SEMA3E: variants seen among roughly 807,000 people sequenced by gnomAD.
SEMA3E encodes semaphorin-3E.
In SEMA3E, 49 loss-of-function variants were observed where a neutral mutation model predicts 93.6. The observed-to-expected ratio is 0.52, with a 90% CI of 0.42 to 0.66. The LOEUF is 0.66. SEMA3E is among the 30% of genes least tolerant of loss of function. The probability of loss-of-function intolerance (pLI) is 0.00; values close to 1 mark genes in which losing one functional copy is unlikely to be tolerated. For synonymous variants in SEMA3E, 363 were observed against 330.7 expected, an observed-to-expected ratio of 1.10 and a Z score of -1.06; for missense variants, 906 against 964.8, an observed-to-expected ratio of 0.94 and a Z score of 0.81.
chr7:83,449,744 TA>T (rs1789315596), intron 4 of SEMA3E, among the ~76,000 whole-genome samples: 1 of 152,178 alleles, frequency 6.6e-6, no homozygotes, highest in Non-Finnish European at 1.5e-5. Flanking sequence ...TCTCACCCCC[TA>T]ATTACATACA....
intron 16 of SEMA3E, among the ~76,000 whole-genome samples, chr7:83,381,491 AT>A (rs1274728335): frequency 1.3e-5 from 2 of 151,804 alleles, no homozygotes; most frequent in African/African-American, 4.8e-5. Context: ...GAGGCCTTCT[AT>A]GGCCACCCTT....
intron 11 of SEMA3E, among the ~76,000 whole-genome samples, chr7:83,398,665 T>C (rs1788174074): frequency 1.3e-5 from 2 of 152,198 alleles, no homozygotes; most frequent in African/African-American, 4.8e-5. Flanking sequence ...AAAGGATGGC[T>C]GGGCATGGTG....
intron 4 of SEMA3E, among the ~76,000 whole-genome samples, chr7:83,459,927 T>C (rs912921082): frequency 2.6e-5 from 4 of 152,176 alleles, no homozygotes; most frequent in African/African-American, 9.7e-5. Flanking sequence ...CCCCCACTCC[T>C]GCCCGCCAGA....
chr7:83,434,500 G>C (rs916944944), intron 4 of SEMA3E, among the ~76,000 whole-genome samples: 1 of 152,076 alleles, frequency 6.6e-6, no homozygotes. Flanking sequence ...CAGCAAAACT[G>C]ACTAGCGTCT....
intron 1 of SEMA3E, among the ~76,000 whole-genome samples, chr7:83,628,484 T>G (rs1793720771): frequency 6.6e-6 from 1 of 151,920 alleles, no homozygotes; most frequent in Non-Finnish European, 1.5e-5. Flanking sequence ...CTTTTTTCAT[T>G]CTTTTCTTTC....
At chr7:83,511,865 C>T (rs1790829936) in intron 1 of SEMA3E, among the ~76,000 whole-genome samples, 1 of 152,090 alleles carries the variant, frequency 6.6e-6, no homozygotes. Flanking sequence ...CATTACACTC[C>T]AGCCTGGCAA....
chr7:83,528,972 ATC>A, intron 1 of SEMA3E, among the ~76,000 whole-genome samples: 1 of 152,258 alleles, frequency 6.6e-6, no homozygotes, highest in Non-Finnish European at 1.5e-5. Context: ...AAAGTGTCAT[ATC>A]TCTACAAAAA....
chr7:83,420,429 T>A (rs950303740), intron 4 of SEMA3E, among the ~76,000 whole-genome samples: 5 of 152,098 alleles, frequency 3.3e-5, no homozygotes, highest in African/African-American at 1.2e-4. Context: ...ATCAACATCA[T>A]TTTTCACAGA....
At chr7:83,468,205 C>T (rs1260864867) in intron 3 of SEMA3E, among the ~76,000 whole-genome samples, 1 of 152,202 alleles carries the variant, frequency 6.6e-6, no homozygotes, top group Non-Finnish European at 1.5e-5. Flanking sequence ...CCAGAGCACA[C>T]AGGTACACTT....
intron 16 of SEMA3E, chr7:83,372,762 T>C (rs1156960416): frequency 6.6e-6 from 1 of 152,308 alleles, no homozygotes; most frequent in Non-Finnish European, 1.5e-5. Flanking sequence ...GAATATAAGC[T>C]GTTTTCATGC....
At chr7:83,372,140 C>A in intron 16 of SEMA3E, 1 of 395,396 alleles carries the variant, frequency 2.5e-6, no homozygotes. Context: ...TGGGGTATAT[C>A]CATACAGACA....
intron 1 of SEMA3E, among the ~76,000 whole-genome samples, chr7:83,496,876 C>A (rs755922310): frequency 5.3e-5 from 8 of 152,136 alleles, no homozygotes; most frequent in Middle Eastern, 3.4e-3. Flanking sequence ...AAACTCTAAT[C>A]TCAGGTAATC....
chr7:83,491,823 G>A (rs1039252202), intron 1 of SEMA3E, among the ~76,000 whole-genome samples: 12 of 151,858 alleles, frequency 7.9e-5, no homozygotes, highest in Non-Finnish European at 1.6e-4. Flanking sequence ...AAAGAAAATA[G>A]TATGAAAAAT....
Position 83,648,555 on chromosome 7 carries a change from A to T in SEMA3E, c.-13T>A, listed in dbSNP as rs1335683166. The T allele has an allele frequency of 6.3e-7, 1 of 1,595,434 alleles. No homozygotes were observed. Among genetic ancestry groups the T allele is most frequent in the Middle Eastern group, 1.7e-4 (1 of 6,002 alleles). Reference sequence around the variant, plus strand: ...CCGCGGATGCCATGCTGCCGTGTTCACCGTCCAAGCCCTCGCTCCTCACTT... The same window carrying T: ...CCGCGGATGCCATGCTGCCGTGTTCTCCGTCCAAGCCCTCGCTCCTCACTT... On this transcript the variant is annotated 5_prime_UTR_variant, in exon 1 of 17. Coordinates refer to ENST00000643230, the MANE Select transcript of SEMA3E (RefSeq NM_012431.3).
At chr7:83,546,416 G>T (rs1791652775) in intron 1 of SEMA3E, among the ~76,000 whole-genome samples, 2 of 151,132 alleles carry the variant, frequency 1.3e-5, no homozygotes, top group African/African-American at 4.9e-5. Flanking sequence ...TCTAGGGCTA[G>T]TGGGGAGGAG....
chr7:83,547,621 G>T (rs1791678926), intron 1 of SEMA3E, among the ~76,000 whole-genome samples: 1 of 152,022 alleles, frequency 6.6e-6, no homozygotes, highest in South Asian at 2.1e-4. Flanking sequence ...TGAATGCATG[G>T]TATTATTATT....
chr7:83,597,731 T>A (rs1028490690), intron 1 of SEMA3E, among the ~76,000 whole-genome samples: 1 of 152,176 alleles, frequency 6.6e-6, no homozygotes, highest in Non-Finnish European at 1.5e-5. Context: ...TAAACTAATA[T>A]GAATTCATCA....
At chr7:83,553,806 C>T (rs1003290011) in intron 1 of SEMA3E, among the ~76,000 whole-genome samples, 1 of 152,118 alleles carries the variant, frequency 6.6e-6, no homozygotes, top group Non-Finnish European at 1.5e-5. Flanking sequence ...AAAAAATCTT[C>T]AGTGACTCAT....
intron 16 of SEMA3E, among the ~76,000 whole-genome samples, chr7:83,378,286 G>C (rs1221626458): frequency 4.0e-5 from 6 of 151,834 alleles, no homozygotes; most frequent in Non-Finnish European, 8.8e-5. Context: ...AAGAGTCTCT[G>C]TTTTCCTTCT....
Sources: allele counts gnomAD v4.1 joint callset (sites outside exome capture counted in the v4.1 genomes callset), GRCh38; gene constraint gnomAD v4.1.1; transcripts MANE v1.5; gene names NCBI Gene and HGNC (gene_info 2026-07-23, HGNC 2026-07-21).